Variants in CNTN5 observed in about 807,000 individuals in gnomAD.
CNTN5 encodes the protein contactin 5.
Under a neutral mutation model 129.1 loss-of-function variants are expected in CNTN5, and 77 were observed. The observed-to-expected ratio is 0.60, with a 90% CI of 0.50 to 0.72. The LOEUF is 0.72. Among genes scored for constraint, CNTN5 ranks in the 30% least tolerant of loss-of-function variants. The pLI is 0.00. For missense variants in CNTN5, 1,478 were observed against 1,328.8 expected (o/e 1.11, Z -1.75); for synonymous variants, 509 against 465.6 (o/e 1.09, Z -1.20).
At chr11:99,369,004 C>T (rs1198982060) in intron 2 of CNTN5, among the ~76,000 whole-genome samples, 5 of 151,664 alleles carry the variant, frequency 3.3e-5, no homozygotes, top group Non-Finnish European at 2.9e-5. Flanking sequence ...TAAGATTAGG[C>T]CATCTGTATT....
At chr11:99,569,399 C>T (rs1336231361) in intron 3 of CNTN5, among the ~76,000 whole-genome samples, 1 of 152,088 alleles carries the variant, frequency 6.6e-6, no homozygotes, top group Non-Finnish European at 1.5e-5. Context: ...CTGCAAGCTC[C>T]GCCTCCCGGG....
chr11:99,219,746 A>C (rs1860307584), intron 1 of CNTN5, among the ~76,000 whole-genome samples: 1 of 151,866 alleles, frequency 6.6e-6, no homozygotes, highest in Non-Finnish European at 1.5e-5. Flanking sequence ...CACTAGCCAT[A>C]ATGTGAGAAT....
chr11:99,637,732 A>G (rs1364498197), intron 3 of CNTN5, among the ~76,000 whole-genome samples: 1 of 151,748 alleles, frequency 6.6e-6, no homozygotes, highest in Non-Finnish European at 1.5e-5. Context: ...AAAATTAACT[A>G]TTATATCAGT....
chr11:100,088,586 T>G (rs190149502), intron 13 of CNTN5, among the ~76,000 whole-genome samples: 1 of 151,966 alleles, frequency 6.6e-6, no homozygotes, highest in East Asian at 1.9e-4. Flanking sequence ...ATACATAAGA[T>G]CCTCAGAGAC....
intron 2 of CNTN5, among the ~76,000 whole-genome samples, chr11:99,352,050 T>C (rs945920347): frequency 2.0e-5 from 3 of 152,212 alleles, no homozygotes; most frequent in South Asian, 2.1e-4. Context: ...GTACCATGCA[T>C]GTACAACACA....
At position 99,422,529 on chromosome 11, in the gene CNTN5, TATATATA is replaced by T. The variant is rs1565569299; in HGVS notation, c.-71+97046_-71+97052del. On this transcript the variant is annotated intron_variant, in intron 2 of 24. Transcript: ENST00000524871. ...GTTACTTTATATTTTTATATATATATATATATATATATATATATATATATATATATAT... is the reference window on the plus strand; with the variant it reads ...GTTACTTTATATTTTTATATATATATTATATATATATATATATATATATAT... Among the ~76,000 whole-genome samples the T allele has an allele frequency of 8.2e-3, 395 of 48,192 alleles. 6 individuals are homozygous for T. Among genetic ancestry groups the T allele is most frequent in the African/African-American group, 0.021 (378 of 17,684 alleles). The allele number at this position is 48,192 out of a possible 152,430, so 31.6% of individuals were successfully genotyped here. A position where few individuals can be genotyped will look rare whatever the true frequency, so the allele number is the denominator to read the frequency against.
chr11:99,099,781 A>T (rs1188628163), intron 1 of CNTN5, among the ~76,000 whole-genome samples: 1 of 152,176 alleles, frequency 6.6e-6, no homozygotes, highest in Non-Finnish European at 1.5e-5. Context: ...TAAATGACAC[A>T]ATACGTATAA....
At chr11:99,908,346 A>G (rs559645272) in intron 6 of CNTN5, among the ~76,000 whole-genome samples, 21 of 152,214 alleles carry the variant, frequency 1.4e-4, no homozygotes, top group Middle Eastern at 3.4e-3. Flanking sequence ...AAGAATTGCT[A>G]TACTAAACGA....
chr11:99,157,235 A>G (rs1860380518), intron 1 of CNTN5, among the ~76,000 whole-genome samples: 1 of 152,090 alleles, frequency 6.6e-6, no homozygotes, highest in African/African-American at 2.4e-5. Flanking sequence ...AGGGAAATGT[A>G]AGAAAATATG....
chr11:99,206,063 T>A (rs1859463247), intron 1 of CNTN5, among the ~76,000 whole-genome samples: 1 of 152,162 alleles, frequency 6.6e-6, no homozygotes, highest in Admixed American at 6.6e-5. Flanking sequence ...TGTCATATTC[T>A]TTACATGTCA....
chr11:99,896,419 G>A (rs1182919051), intron 6 of CNTN5, among the ~76,000 whole-genome samples: 2 of 152,148 alleles, frequency 1.3e-5, no homozygotes, highest in Admixed American at 6.5e-5. Context: ...AGACTGAAGA[G>A]ATGGGTCACT....
chr11:99,518,647 T>C (rs549431420), intron 2 of CNTN5, among the ~76,000 whole-genome samples: 14 of 152,122 alleles, frequency 9.2e-5, no homozygotes, highest in Admixed American at 6.6e-5. Flanking sequence ...TAGTCAAATA[T>C]ACTATAAGCT....
chr11:100,156,971 C>CGT (rs1947265738), intron 13 of CNTN5, among the ~76,000 whole-genome samples: 1 of 151,782 alleles, frequency 6.6e-6, no homozygotes, highest in African/African-American at 2.4e-5. Flanking sequence ...TGAAGTTTTT[C>CGT]GTGTGTGTGT....
chr11:99,196,168 AT>A (rs1390736265), intron 1 of CNTN5, among the ~76,000 whole-genome samples: 10 of 151,878 alleles, frequency 6.6e-5, no homozygotes, highest in African/African-American at 1.9e-4. Flanking sequence ...AAAAAAAAAA[AT>A]AGTGTGTTTT....
intron 1 of CNTN5, among the ~76,000 whole-genome samples, chr11:99,193,703 C>T (rs1858758743): frequency 6.6e-6 from 1 of 152,096 alleles, no homozygotes; most frequent in African/African-American, 2.4e-5. Flanking sequence ...AAAAAACAAC[C>T]CATGGGCAAC....
chr11:99,127,711 A>G (rs1565339148), intron 1 of CNTN5, among the ~76,000 whole-genome samples: 1 of 151,608 alleles, frequency 6.6e-6, no homozygotes. Flanking sequence ...CCCTTCACTC[A>G]CCTCTGCACT....
At chr11:99,664,997 C>G (rs1001442505) in intron 3 of CNTN5, among the ~76,000 whole-genome samples, 5 of 151,998 alleles carry the variant, frequency 3.3e-5, no homozygotes, top group African/African-American at 1.2e-4. Flanking sequence ...GTCCTCAATT[C>G]CAAGATACAC....
intron 2 of CNTN5, among the ~76,000 whole-genome samples, chr11:99,340,195 T>A (rs1195438905): frequency 1.3e-5 from 2 of 151,996 alleles, no homozygotes; most frequent in African/African-American, 4.8e-5. Flanking sequence ...GAGAAAGCAG[T>A]TTGGGATGGG....
chr11:99,885,156 C>T (rs1253000516), intron 6 of CNTN5, among the ~76,000 whole-genome samples: 1 of 152,042 alleles, frequency 6.6e-6, no homozygotes, highest in Non-Finnish European at 1.5e-5. Flanking sequence ...GTGGCATGTG[C>T]CTATAGTCCT....
Sources: allele counts gnomAD v4.1 joint callset (sites outside exome capture counted in the v4.1 genomes callset), GRCh38; gene constraint gnomAD v4.1.1; transcripts MANE v1.5; gene names NCBI Gene and HGNC (gene_info 2026-07-23, HGNC 2026-07-21).